EAF1: variants seen among roughly 807,000 people sequenced by gnomAD.
The protein encoded by EAF1 is ELL-associated factor 1.
EAF1 carries 19 observed loss-of-function variants against 26.6 expected under a neutral mutation model. That is an observed-to-expected ratio of 0.71 (90% CI 0.50 to 1.05). The LOEUF (loss-of-function observed/expected upper bound fraction) is 1.05, where lower values mean the gene tolerates loss of function less well. EAF1 is among the 50% of genes least tolerant of loss of function. The pLI is 0.00. For missense variants in EAF1, 260 were observed against 335.5 expected (o/e 0.78, Z 1.76); for synonymous variants, 102 against 120.6 (o/e 0.85, Z 1.01).
Position 15,434,477 on chromosome 3 carries a change from C to T in EAF1, c.465C>T (p.Pro155=), listed in dbSNP as rs2061822533. ...FRAPTKPPVG[P]KTSPLKDNPS... ...CTCCAACGAAGCCTCCAGTTGGACC[C>T]AAAACTTCTCCCTTGAAAGATAACC... Residue 155 remains proline (P), a synonymous_variant, in exon 4 of 6, where the codon CCC becomes CCT. Coordinates refer to ENST00000396842, the MANE Select transcript of EAF1 (RefSeq NM_033083.7). The T allele has an allele frequency of 6.2e-7, 1 of 1,614,166 alleles. No homozygotes were observed. Among genetic ancestry groups the T allele is most frequent in the Non-Finnish European group, 8.5e-7 (1 of 1,180,022 alleles).
At position 15,434,487 on chromosome 3, in the gene EAF1, C is replaced by T. The variant is rs1328941368; in HGVS notation, c.475C>T (p.Pro159Ser). 5 of 1,614,200 alleles carry T rather than the reference C, an allele frequency of 3.1e-6. No homozygotes were observed. The South Asian group carries it at 4.4e-5, about 14-fold the overall frequency. ...TKPPVGPKTSPLKDNPSPEPQ... is the reference protein window; with the variant it reads ...TKPPVGPKTSSLKDNPSPEPQ... ...GCCTCCAGTTGGACCCAAAACTTCT[C>T]CCTTGAAAGATAACCCCTCACCTGA... The change falls in exon 4 of 6, where the codon CCC (proline) becomes TCC (serine). Residue 159 changes from proline (P) to serine (S), a missense_variant. By Grantham distance (74) the Pro-to-Ser change is moderately conservative. Transcript: ENST00000396842.
In EAF1 at chr3:15,439,715, G is replaced by A. The variant is rs2061855062; in HGVS notation, c.*560G>A. The A allele has an allele frequency of 6.6e-6, 1 of 152,322 alleles. No homozygotes were observed. The highest frequency in any genetic ancestry group is 1.5e-5 in the Non-Finnish European group (1 of 68,096). 9.4% of individuals were successfully genotyped at this position (152,322 alleles called of 1,614,324 possible). On this transcript the variant is annotated 3_prime_UTR_variant, in exon 6 of 6. Coordinates refer to ENST00000396842, the MANE Select transcript of EAF1 (RefSeq NM_033083.7). The stretch of plus-strand genomic sequence containing the variant: ...TCAGAATACAGAATGGAGTCCTTGA[G>A]TGTCAGTTGGTGAGGACCATGGAGT...
At chr3:15,430,071 T>A in intron 2 of EAF1, 64 bp downstream of exon 2, 1 of 1,219,584 alleles carries the variant, frequency 8.2e-7, no homozygotes, top group East Asian at 2.5e-5. Flanking sequence ...TTTATATTAT[T>A]GCAATTTAAA....
chr3:15,436,600 C>G, intron 5 of EAF1, 25 bp downstream of exon 5: 1 of 1,531,456 alleles, frequency 6.5e-7, no homozygotes, highest in Middle Eastern at 1.7e-4. Context: ...CTTTTTATGG[C>G]TGAGAGAGGG....
Position 15,434,350 on chromosome 3 carries a change from C to G in EAF1, c.338C>G (p.Ala113Gly), listed in dbSNP as rs749241190. 9 of 1,613,906 alleles carry G rather than the reference C, an allele frequency of 5.6e-6. No individual in the cohort carries two copies. Among genetic ancestry groups the G allele is most frequent in the Non-Finnish European group, 6.8e-6 (8 of 1,179,814 alleles). ...SSSIQVKKTR[A>G]EGSSKIQARM... is the part of the protein sequence containing the mutation. ...TTAATGTCTGTATCTCCTTTCAGAG[C>G]TGAGGGCAGCAGTAAAATCCAGGCC... The change falls in exon 4 of 6, where the codon GCT (alanine) becomes GGT (glycine). Residue 113 changes from alanine (A) to glycine (G), a missense_variant and splice_region_variant. Coordinates refer to ENST00000396842, the MANE Select transcript of EAF1 (RefSeq NM_033083.7).
In EAF1 at chr3:15,439,187, C is replaced by G; in HGVS notation, c.*32C>G. ...ATCTTTCGAAACCTACTTTTTGGTG[C>G]ACAAACATGCCGCAAGACTGAGCTA... On this transcript the variant is annotated 3_prime_UTR_variant, in exon 6 of 6. Coordinates refer to ENST00000396842, the MANE Select transcript of EAF1 (RefSeq NM_033083.7). 6.2e-7 allele frequency: 1 copy of G among 1,608,136 alleles called. No individual in the cohort carries two copies. The highest frequency in any genetic ancestry group is 8.5e-7 in the Non-Finnish European group (1 of 1,176,878).
intron 1 of EAF1, among the ~76,000 whole-genome samples, chr3:15,428,686 G>A (rs2061776193): frequency 6.6e-6 from 1 of 152,218 alleles, no homozygotes; most frequent in Non-Finnish European, 1.5e-5. Flanking sequence ...ACGCTGTTGA[G>A]AGAGTGCACT....
rs558865669 is a variant in EAF1 at position 15,437,257 on chromosome 3, T to C, written c.760+682T>C. 5.5e-3 allele frequency among the ~76,000 whole-genome samples: 830 copies of C among 150,864 alleles called. 9 individuals are homozygous for C. Among genetic ancestry groups the C allele is most frequent in the African/African-American group, 0.018 (744 of 41,096 alleles). ...AGACAGTGTGGTGGCTTTTTTTTTT[T>C]TTTTTTTCCTTCAGACAGAGTCTTG... On this transcript the variant is annotated intron_variant, in intron 5 of 5. Transcript: ENST00000396842.
Position 15,427,713 on chromosome 3 carries a change from C to T in EAF1, c.-67C>T. On this transcript the variant is annotated 5_prime_UTR_variant, in exon 1 of 6. Coordinates refer to ENST00000396842, the MANE Select transcript of EAF1 (RefSeq NM_033083.7). Reference sequence around the variant, plus strand: ...GAAGCACAGTCCTCCCAGACGCCAGCGCCAGAAGCTCGGATCGCGGCTGCA... The same window carrying T: ...GAAGCACAGTCCTCCCAGACGCCAGTGCCAGAAGCTCGGATCGCGGCTGCA... 6.7e-7 allele frequency: 1 copy of T among 1,487,216 alleles called. No homozygotes were observed. The highest frequency in any genetic ancestry group is 9.2e-7 in the Non-Finnish European group (1 of 1,091,600). 92.1% of individuals were successfully genotyped at this position (1,487,216 alleles called of 1,614,324 possible).
chr3:15,427,745 G>C lies in EAF1; in HGVS notation c.-35G>C. The C allele has an allele frequency of 6.5e-7, 1 of 1,544,938 alleles. No individual in the cohort carries two copies. Among genetic ancestry groups the C allele is most frequent in the Non-Finnish European group, 8.8e-7 (1 of 1,142,006 alleles). ...AGCTCGGATCGCGGCTGCACCGGGAGAGCGCCGATCTGGGTGCGAGGCAGG... is the reference window on the plus strand; with the variant it reads ...AGCTCGGATCGCGGCTGCACCGGGACAGCGCCGATCTGGGTGCGAGGCAGG... On this transcript the variant is annotated 5_prime_UTR_variant, in exon 1 of 6. Transcript: ENST00000396842.
rs578172246 is a variant in EAF1 at position 15,436,499 on chromosome 3, G to A, written c.684G>A (p.Gln228=). The A allele has an allele frequency of 4.4e-6, 7 of 1,607,366 alleles. No homozygotes were observed. The South Asian group carries it at 5.5e-5, about 13-fold the overall frequency. Residue 228 remains glutamine (Q), a synonymous_variant, in exon 5 of 6, where the codon CAG becomes CAA. Coordinates refer to ENST00000396842, the MANE Select transcript of EAF1 (RefSeq NM_033083.7). Reference sequence around the variant, plus strand: ...CTCCTCCGCAGCCTTCACACCAGCAGCCCTACAACAGTAGGCCTGCCGTTG... The same window carrying A: ...CTCCTCCGCAGCCTTCACACCAGCAACCCTACAACAGTAGGCCTGCCGTTG... The part of the protein sequence containing the change: ...PASPPQPSHQ[Q]PYNSRPAVAN...
Position 15,431,830 on chromosome 3 carries a change from C to T in EAF1, c.199-257C>T, listed in dbSNP as rs1245472723. 4.6e-5 allele frequency among the ~76,000 whole-genome samples: 7 copies of T among 152,128 alleles called. No homozygotes were observed. In the East Asian group the frequency reaches 5.8e-4, roughly 13 times the overall value. ...AATGGTTAATTTTTCTCTCTTGGAA[C>T]GTATATAGTAATTAAAACTTTTATA... On this transcript the variant is annotated intron_variant, in intron 2 of 5. Coordinates refer to ENST00000396842, the MANE Select transcript of EAF1 (RefSeq NM_033083.7).
chr3:15,432,160 A>G lies in EAF1; in HGVS notation c.272A>G (p.Asn91Ser). The G allele has an allele frequency of 6.2e-7, 1 of 1,614,178 alleles. No individual in the cohort carries two copies. Among genetic ancestry groups the G allele is most frequent in the Non-Finnish European group, 8.5e-7 (1 of 1,180,014 alleles). Residue 91 changes from asparagine to serine, a missense_variant, in exon 3 of 6, where the codon AAT (asparagine) becomes AGT (serine). Asn to Ser is a conservative substitution (Grantham distance 46). Transcript: ENST00000396842. ...CAGAAAGACTGTGTGCTTATTATTAATCATGACACTGGTGAATATGTGCTG... is the reference window on the plus strand; with the variant it reads ...CAGAAAGACTGTGTGCTTATTATTAGTCATGACACTGGTGAATATGTGCTG... ...PYQKDCVLII[N>S]HDTGEYVLEK...
intron 3 of EAF1, chr3:15,433,152 C>T (rs1414422049): frequency 6.7e-6 from 1 of 149,778 alleles, no homozygotes; most frequent in Non-Finnish European, 1.5e-5. Context: ...CATCCTTGCA[C>T]AGGGGCCATG....
rs2061760190 is a variant in EAF1 at position 15,427,659 on chromosome 3, C to T, written c.-121C>T. 1.9e-6 allele frequency: 2 copies of T among 1,061,796 alleles called. No homozygotes were observed. Among genetic ancestry groups the T allele is most frequent in the African/African-American group, 3.2e-5 (2 of 62,994 alleles). The allele number at this position is 1,061,796 out of a possible 1,614,324, so 65.8% of individuals were successfully genotyped here. A position where few individuals can be genotyped will look rare whatever the true frequency, so the allele number is the denominator to read the frequency against. On this transcript the variant is annotated 5_prime_UTR_variant, in exon 1 of 6. Coordinates refer to ENST00000396842, the MANE Select transcript of EAF1 (RefSeq NM_033083.7). ...TGGACCCGGGTGGGTGCCGGCTCGG[C>T]TCTCCTTGTCTTCCAGAGCGGTGGC...
intron 1 of EAF1, 139 bp downstream of exon 1, chr3:15,428,021 A>C: frequency 3.0e-6 from 2 of 666,106 alleles, no homozygotes; most frequent in Admixed American, 3.1e-5. Flanking sequence ...CGAACCCCAA[A>C]TCCTTTGGGA....
At chr3:15,436,660 G>T (rs2061838191) in intron 5 of EAF1, 85 bp downstream of exon 5, 1 of 1,167,008 alleles carries the variant, frequency 8.6e-7, no homozygotes, top group Non-Finnish European at 1.2e-6. Context: ...CAAACCTAAA[G>T]ATGTTTAAGG....
chr3:15,431,960 C>T, intron 2 of EAF1, 127 bp from the exon 3 acceptor site: 1 of 1,066,372 alleles, frequency 9.4e-7, no homozygotes, highest in Non-Finnish European at 1.3e-6. Context: ...AAATAGAAAT[C>T]AGTTCAACCT....
At position 15,434,273 on chromosome 3, in the gene EAF1, A is replaced by T; in HGVS notation, c.336-75A>T. The T allele has an allele frequency of 1.4e-5, 21 of 1,543,704 alleles. No homozygotes were observed. The South Asian group carries it at 1.5e-4, about 11-fold the overall frequency. On this transcript the variant is annotated intron_variant, in intron 3 of 5. Coordinates refer to ENST00000396842, the MANE Select transcript of EAF1 (RefSeq NM_033083.7). ...ACATGGGGTTCTACAGAGACTTCTGAGTTTTCAGTCACCTGGACAAATTTG... is the reference window on the plus strand; with the variant it reads ...ACATGGGGTTCTACAGAGACTTCTGTGTTTTCAGTCACCTGGACAAATTTG...
Sources: gnomAD v4.1 joint callset for allele counts (sites outside exome capture counted in the v4.1 genomes callset) on GRCh38, gnomAD v4.1.1 for gene constraint, MANE v1.5 for transcripts, NCBI Gene and HGNC (gene_info 2026-07-23, HGNC 2026-07-21) for gene names.